C2orf42: variants seen among roughly 807,000 people sequenced by gnomAD.
C2orf42 encodes chromosome 2 open reading frame 42.
A neutral mutation model predicts 58.9 loss-of-function variants in C2orf42; 44 were observed. The ratio of observed to expected loss-of-function variants is 0.75; its 90% CI spans 0.59 to 0.96. The LOEUF (loss-of-function observed/expected upper bound fraction) is 0.96. Among genes scored for constraint, C2orf42 ranks in the 40% least tolerant of loss-of-function variants. C2orf42 has a pLI of 0.00. For synonymous variants in C2orf42, 239 were observed against 265.4 expected, an observed-to-expected ratio of 0.90 and a Z score of 0.97; for missense variants, 630 against 699.2, an observed-to-expected ratio of 0.90 and a Z score of 1.12.
intron 2 of C2orf42, 90 bp from the exon 3 acceptor site, chr2:70,182,087 T>C: frequency 1.5e-6 from 1 of 655,718 alleles, no homozygotes; most frequent in Non-Finnish European, 2.6e-6. Flanking sequence ...GAAGGCAAAA[T>C]ATAAAAAAGC....
chr2:70,167,583 A>G (rs578026071), intron 6 of C2orf42, among the ~76,000 whole-genome samples: 1 of 151,900 alleles, frequency 6.6e-6, no homozygotes, highest in African/African-American at 2.4e-5. Context: ...TCTATTAAAA[A>G]TACAAAAATT....
chr2:70,157,510 T>C (rs1384153698), intron 9 of C2orf42, among the ~76,000 whole-genome samples: 1 of 142,970 alleles, frequency 7.0e-6, no homozygotes, highest in Non-Finnish European at 1.5e-5. Flanking sequence ...GAAAAAGCTA[T>C]ATATAGCTGG....
intron 8 of C2orf42, among the ~76,000 whole-genome samples, chr2:70,163,186 C>T (rs1673170543): frequency 6.6e-6 from 1 of 150,770 alleles, no homozygotes; most frequent in Non-Finnish European, 1.5e-5. Flanking sequence ...CTACATAATT[C>T]TATTACTGTA....
chr2:70,154,167 T>C (rs986877127), intron 9 of C2orf42, among the ~76,000 whole-genome samples: 38 of 150,640 alleles, frequency 2.5e-4, no homozygotes, highest in African/African-American at 8.8e-4. Context: ...CCAGAATCAT[T>C]AAGGAGAGCT....
chr2:70,157,949 C>T (rs1672788493), intron 9 of C2orf42, among the ~76,000 whole-genome samples: 2 of 151,788 alleles, frequency 1.3e-5, no homozygotes, highest in Admixed American at 1.3e-4. Flanking sequence ...GTCTATAATC[C>T]CAGCACTTTG....
At chr2:70,153,047 A>G (rs1266956992) in intron 9 of C2orf42, among the ~76,000 whole-genome samples, 2 of 151,726 alleles carry the variant, frequency 1.3e-5, no homozygotes, top group Non-Finnish European at 2.9e-5. Flanking sequence ...AAAAAAAAAA[A>G]GTGAATAGCA....
At chr2:70,167,117 G>C (rs1673456079) in intron 6 of C2orf42, among the ~76,000 whole-genome samples, 1 of 152,122 alleles carries the variant, frequency 6.6e-6, no homozygotes, top group Non-Finnish European at 1.5e-5. Flanking sequence ...CCAGCCCTTT[G>C]GGAGGATGAG....
intron 5 of C2orf42, among the ~76,000 whole-genome samples, chr2:70,175,119 T>C (rs1315118351): frequency 1.3e-5 from 2 of 152,108 alleles, no homozygotes; most frequent in African/African-American, 4.8e-5. Flanking sequence ...ATTACACATA[T>C]GTTTTGTTTG....
chr2:70,157,633 C>G (rs1304543251), intron 9 of C2orf42, among the ~76,000 whole-genome samples: 3 of 151,766 alleles, frequency 2.0e-5, no homozygotes, highest in African/African-American at 7.3e-5. Context: ...CCCATATCTA[C>G]TAAAAATACA....
chr2:70,176,692 A>G (rs962277474), intron 4 of C2orf42, among the ~76,000 whole-genome samples: 2 of 152,004 alleles, frequency 1.3e-5, no homozygotes, highest in African/African-American at 4.8e-5. Flanking sequence ...TCACAGGTCC[A>G]ATCACAGTGT....
Position 70,150,156 on chromosome 2 carries a change from C to T in C2orf42, c.*200G>A. On this transcript the variant is annotated 3_prime_UTR_variant, in exon 10 of 10. Transcript: ENST00000264434. ...AATACTGCCCAATGCATAATGAAGA[C>T]TGTACACAGCAGCATCAAAAAGGCT... The T allele has an allele frequency of 1.7e-6, 1 of 594,680 alleles. No homozygotes were observed. The highest frequency in any genetic ancestry group is 3.0e-6 in the Non-Finnish European group (1 of 334,310). The allele number at this position is 594,680 out of a possible 1,614,324, so 36.8% of individuals were successfully genotyped here. A position where few individuals can be genotyped will look rare whatever the true frequency, so the allele number is the denominator to read the frequency against.
chr2:70,150,448 G>A lies in C2orf42; in HGVS notation c.1633C>T (p.Arg545Trp), dbSNP rs778054410. The change falls in exon 10 of 10, where the codon CGG (arginine) becomes TGG (tryptophan). Residue 545 changes from arginine to tryptophan, a missense_variant. Arg to Trp is a moderately radical substitution (Grantham distance 101, BLOSUM62 -3). Coordinates refer to ENST00000264434, the MANE Select transcript of C2orf42 (RefSeq NM_017880.3). ...LRIKFEYGHH[R>W]NGHVAEYQDQ... is the part of the protein sequence containing the mutation. ...TGGTACTCCGCCACATGCCCATTCCGGTGGTGGCCATACTCAAACTTGATC... is the reference window on the plus strand; with the variant it reads ...TGGTACTCCGCCACATGCCCATTCCAGTGGTGGCCATACTCAAACTTGATC... 14 of 1,614,018 alleles carry A rather than the reference G, an allele frequency of 8.7e-6. No homozygotes were observed. Among genetic ancestry groups the A allele is most frequent in the East Asian group, 4.5e-5 (2 of 44,900 alleles).
intron 9 of C2orf42, 72 bp downstream of exon 9, chr2:70,160,553 A>C: frequency 1.0e-6 from 1 of 973,270 alleles, no homozygotes; most frequent in East Asian, 2.8e-5. Flanking sequence ...CAAGATCCAA[A>C]GCTTTGGACA....
chr2:70,183,729 TAAAA>T (rs61040354), intron 1 of C2orf42, among the ~76,000 whole-genome samples: 5 of 141,858 alleles, frequency 3.5e-5, no homozygotes, highest in Non-Finnish European at 6.1e-5. Context: ...CCCATCTCTT[TAAAA>T]AAAAAAAAAA....
At chr2:70,165,363 G>C (rs1673327313) in intron 7 of C2orf42, among the ~76,000 whole-genome samples, 165 bp downstream of exon 7, 1 of 152,198 alleles carries the variant, frequency 6.6e-6, no homozygotes, top group African/African-American at 2.4e-5. Context: ...CAAATCAGTT[G>C]ATGTAGATAA....
chr2:70,181,834 A>C lies in C2orf42; in HGVS notation c.152T>G (p.Phe51Cys). Residue 51 changes from phenylalanine (F) to cysteine (C), a missense_variant, in exon 3 of 10, where the codon TTC (phenylalanine) becomes TGC (cysteine). Phe to Cys is a radical substitution (Grantham distance 205). Coordinates refer to ENST00000264434, the MANE Select transcript of C2orf42 (RefSeq NM_017880.3). The stretch of plus-strand genomic sequence containing the variant: ...AGGCTGCTTGCGTGCACCGTAGCGG[A>C]ATATGGTTCCACATGTCTTGTTCTT... ...SCKNKTCGTI[F>C]RYGARKQPSV... 6.2e-7 allele frequency: 1 copy of C among 1,614,156 alleles called. No homozygotes were observed. The highest frequency in any genetic ancestry group is 8.5e-7 in the Non-Finnish European group (1 of 1,180,020).
chr2:70,162,651 A>T (rs1228319071), intron 8 of C2orf42, among the ~76,000 whole-genome samples: 2 of 151,938 alleles, frequency 1.3e-5, no homozygotes, highest in Non-Finnish European at 2.9e-5. Context: ...TCAAACAAAA[A>T]AAAAATAGTA....
intron 5 of C2orf42, among the ~76,000 whole-genome samples, chr2:70,172,926 G>C (rs1256788458): frequency 6.6e-6 from 1 of 152,154 alleles, no homozygotes; most frequent in Admixed American, 6.6e-5. Context: ...ACTTTGGGAG[G>C]CCAAGGCAGG....
chr2:70,181,068 T>C lies in C2orf42; in HGVS notation c.823+95A>G, dbSNP rs1261768731. The C allele has an allele frequency of 1.9e-5, 12 of 633,636 alleles. No individual in the cohort carries two copies. The East Asian group carries it at 3.2e-4, about 17-fold the overall frequency. The allele number at this position is 633,636 out of a possible 1,614,324, so 39.3% of individuals were successfully genotyped here. On this transcript the variant is annotated intron_variant, in intron 3 of 9. Transcript: ENST00000264434. ...ATTTGAATTATCTAGCAACTGTTTCTGAAGGTTGCTAAGACAATCTCCAAA... is the reference window on the plus strand; with the variant it reads ...ATTTGAATTATCTAGCAACTGTTTCCGAAGGTTGCTAAGACAATCTCCAAA...
Sources: allele counts gnomAD v4.1 joint callset (sites outside exome capture counted in the v4.1 genomes callset), GRCh38; gene constraint gnomAD v4.1.1; transcripts MANE v1.5; gene names NCBI Gene and HGNC (gene_info 2026-07-23, HGNC 2026-07-21).